ANAPC5: variants seen among roughly 807,000 people sequenced by gnomAD.
ANAPC5 encodes anaphase promoting complex subunit 5, also known as anaphase-promoting complex subunit 5.
In ANAPC5, 60 loss-of-function variants were observed where a neutral mutation model predicts 91.3. The observed-to-expected ratio is 0.66, with a 90% CI of 0.53 to 0.81. The LOEUF is 0.81. Among genes scored for constraint, ANAPC5 ranks in the 40% least tolerant of loss-of-function variants. ANAPC5 has a pLI of 0.00. For missense variants in ANAPC5, 690 were observed against 931.5 expected, an observed-to-expected ratio of 0.74 and a Z score of 3.37; for synonymous variants, 340 against 364.1, an observed-to-expected ratio of 0.93 and a Z score of 0.75.
At position 121,309,809 on chromosome 12, in the gene ANAPC5, G is replaced by A. The variant is rs1220082245; in HGVS notation, c.1948C>T (p.Pro650Ser). ...AGGATAGCCCCGTCAGCCAAGATGGGCTCGATGGCCATGTGGAGAAGACTT... is the reference window on the plus strand; with the variant it reads ...AGGATAGCCCCGTCAGCCAAGATGGACTCGATGGCCATGTGGAGAAGACTT... The part of the protein sequence containing the change: ...ALSLLHMAIE[P>S]ILADGAILDK... Residue 650 changes from proline (P) to serine (S), a missense_variant, in exon 16 of 17, where the codon CCC becomes TCC. Coordinates refer to ENST00000261819, the MANE Select transcript of ANAPC5 (RefSeq NM_016237.5). The A allele has an allele frequency of 6.2e-7, 1 of 1,614,124 alleles. No homozygotes were observed. The highest frequency in any genetic ancestry group is 8.5e-7 in the Non-Finnish European group (1 of 1,180,018).
chr12:121,317,938 GT>G, intron 15 of ANAPC5: 1 of 186,572 alleles, frequency 5.4e-6, no homozygotes. Flanking sequence ...ATGAACATCT[GT>G]GTTCCTCATT....
chr12:121,317,317 G>A lies in ANAPC5; in HGVS notation c.1893+960C>T, dbSNP rs538179411. 6.7e-5 allele frequency among the ~76,000 whole-genome samples: 10 copies of A among 149,618 alleles called. 1 individual carries two copies. The South Asian group carries it at 1.9e-3, about 29-fold the overall frequency. On this transcript the variant is annotated intron_variant, in intron 15 of 16. Transcript: ENST00000261819. ...GCCCAGGCTGGGAGTACGGTGTCAC[G>A]ATCCTGGCTCACTGCAACCTCCGCC...
At chr12:121,334,790 TA>T (rs1555273241) in intron 7 of ANAPC5, 1 of 152,212 alleles carries the variant, frequency 6.6e-6, no homozygotes, top group African/African-American at 2.4e-5. Context: ...TTTGAAATAC[TA>T]AAAATAGCTT....
chr12:121,310,933 C>CA (rs35742192), intron 15 of ANAPC5, among the ~76,000 whole-genome samples: 2,286 of 60,492 alleles, frequency 0.038, 107 homozygotes, highest in Admixed American at 0.078. Flanking sequence ...GACTCCATCT[C>CA]AAAAAAAAAA....
chr12:121,326,043 C>T (rs1417885210), intron 11 of ANAPC5, among the ~76,000 whole-genome samples: 4 of 152,192 alleles, frequency 2.6e-5, no homozygotes, highest in African/African-American at 4.8e-5. Flanking sequence ...CCAGCTAGCC[C>T]TTTCGACCTC....
Position 121,315,611 on chromosome 12 carries a change from G to A in ANAPC5, c.1893+2666C>T, listed in dbSNP as rs1373093650. ...ATCAAGGGAATAGAATTGAGAGTCC[G>A]AAAATAAACCTATATATCTACGATC... On this transcript the variant is annotated intron_variant, in intron 15 of 16. Coordinates refer to ENST00000261819, the MANE Select transcript of ANAPC5 (RefSeq NM_016237.5). Among the ~76,000 whole-genome samples, 15 of 152,224 alleles carry A rather than the reference G, an allele frequency of 9.9e-5. No homozygotes were observed. The Middle Eastern group carries it at 0.01, about 104-fold the overall frequency.
At chr12:121,327,035 A>G in intron 11 of ANAPC5, 61 bp downstream of exon 11, 1 of 1,523,882 alleles carries the variant, frequency 6.6e-7, no homozygotes. Flanking sequence ...CAAGCATTAG[A>G]GGAAAGAAAT....
chr12:121,323,471 T>C (rs956535739), intron 11 of ANAPC5, among the ~76,000 whole-genome samples: 17 of 152,172 alleles, frequency 1.1e-4, no homozygotes, highest in African/African-American at 4.1e-4. Flanking sequence ...ACTACAGGCA[T>C]GTGCCACCAC....
intron 8 of ANAPC5, 35 bp downstream of exon 8, chr12:121,331,312 T>G: frequency 1.3e-6 from 2 of 1,556,722 alleles, no homozygotes; most frequent in Non-Finnish European, 1.8e-6. Flanking sequence ...ATTCAACCCG[T>G]GAACAAAACT....
intron 4 of ANAPC5, among the ~76,000 whole-genome samples, chr12:121,345,629 T>C (rs1472736158): frequency 6.6e-6 from 1 of 151,970 alleles, no homozygotes; most frequent in Non-Finnish European, 1.5e-5. Context: ...TCCCTGGCCC[T>C]TGGGATTTCC....
chr12:121,331,705 G>A, intron 7 of ANAPC5: 1 of 239,604 alleles, frequency 4.2e-6, no homozygotes, highest in Non-Finnish European at 8.3e-6. Flanking sequence ...TTATTTTAAA[G>A]GTCCACTGCT....
intron 13 of ANAPC5, among the ~76,000 whole-genome samples, chr12:121,319,445 G>C (rs1902511107): frequency 6.6e-6 from 1 of 151,716 alleles, no homozygotes; most frequent in Admixed American, 6.6e-5. Flanking sequence ...TGTTGGCCAG[G>C]CTGGTCTCAA....
chr12:121,352,442 TC>T, upstream of ANAPC5: 1 of 951,468 alleles, frequency 1.1e-6, no homozygotes, highest in Non-Finnish European at 1.6e-6. Flanking sequence ...CCTCACAATA[TC>T]CCAGGAAACA....
upstream of ANAPC5, chr12:121,352,442 T>A (rs565004371): frequency 2.4e-5 from 23 of 951,352 alleles, no homozygotes; most frequent in Admixed American, 1.3e-4. Context: ...CCTCACAATA[T>A]CCCAGGAAAC....
upstream of ANAPC5, among the ~76,000 whole-genome samples, chr12:121,353,000 T>C (rs1555275671): frequency 1.3e-5 from 2 of 152,206 alleles, no homozygotes; most frequent in Non-Finnish European, 2.9e-5. Flanking sequence ...GTATTTATTA[T>C]GTTACTTTTA....
chr12:121,337,192 TG>T, intron 6 of ANAPC5, 98 bp downstream of exon 6: 1 of 951,856 alleles, frequency 1.1e-6, no homozygotes, highest in Non-Finnish European at 1.6e-6. Context: ...CACTCCAGCC[TG>T]GCAACAGAGT....
chr12:121,324,048 C>T (rs530059837), intron 11 of ANAPC5, among the ~76,000 whole-genome samples: 2 of 152,238 alleles, frequency 1.3e-5, no homozygotes, highest in South Asian at 4.1e-4. Flanking sequence ...CAGTTCTGAG[C>T]CCCATAACTT....
At position 121,337,979 on chromosome 12, in the gene ANAPC5, TA is replaced by T. The variant is rs1903309957; in HGVS notation, c.658-588del. Among the ~76,000 whole-genome samples, 3 of 152,218 alleles carry T rather than the reference TA, an allele frequency of 2.0e-5. No homozygotes were observed. The South Asian group carries it at 6.2e-4, about 31-fold the overall frequency. On this transcript the variant is annotated intron_variant, in intron 5 of 16. Coordinates refer to ENST00000261819, the MANE Select transcript of ANAPC5 (RefSeq NM_016237.5). Reference sequence around the variant, plus strand: ...ATGGACGATATCAGCAACAATTATATAAAATATGTAGAAAGTTAGCTACAAA... The same window carrying T: ...ATGGACGATATCAGCAACAATTATATAAATATGTAGAAAGTTAGCTACAAA...
intron 11 of ANAPC5, among the ~76,000 whole-genome samples, chr12:121,325,035 G>A (rs1902756880): frequency 6.6e-6 from 1 of 152,132 alleles, no homozygotes; most frequent in East Asian, 1.9e-4. Context: ...GTGGTAGCAC[G>A]CTCCTATAGT....
Sources: gnomAD v4.1 joint callset for allele counts (sites outside exome capture counted in the v4.1 genomes callset) on GRCh38, gnomAD v4.1.1 for gene constraint, MANE v1.5 for transcripts, NCBI Gene and HGNC (gene_info 2026-07-23, HGNC 2026-07-21) for gene names.